The following DYM variants were observed in gnomAD, a reference collection of about 807,000 sequenced individuals.
DYM encodes dymeclin, also known as dyggve-Melchior-Clausen syndrome protein.
Under a neutral mutation model 93.1 loss-of-function variants are expected in DYM, and 78 were observed. The observed-to-expected ratio is 0.84, with a 90% confidence interval of 0.70 to 1.01. DYM has a LOEUF of 1.01. DYM is among the 50% of genes least tolerant of loss of function. The pLI, the probability that DYM is intolerant of heterozygous loss-of-function variation, is 0.00. For synonymous variants in DYM, 321 were observed against 319.7 expected, an observed-to-expected ratio of 1.00 and a Z score of -0.04; for missense variants, 789 against 845.0, an observed-to-expected ratio of 0.93 and a Z score of 0.82.
intron 14 of DYM, among the ~76,000 whole-genome samples, chr18:49,197,456 C>T (rs531767661): frequency 6.6e-6 from 1 of 151,856 alleles, no homozygotes; most frequent in South Asian, 2.1e-4. Flanking sequence ...GTAAAGAAGG[C>T]GGTGAAGTTT....
intron 13 of DYM, among the ~76,000 whole-genome samples, chr18:49,213,172 T>A (rs1002280492): frequency 2.0e-4 from 30 of 152,118 alleles, no homozygotes; most frequent in African/African-American, 7.2e-4. Context: ...CTGTAAAAGA[T>A]GACAAAAACC....
chr18:49,078,752 A>G (rs1016809246), intron 17 of DYM, among the ~76,000 whole-genome samples: 4 of 152,360 alleles, frequency 2.6e-5, no homozygotes, highest in Admixed American at 2.0e-4. Context: ...GGCAAAGAGA[A>G]TGGAAAATAT....
At chr18:49,300,070 A>AATATATATATATATATAAAT (rs948967726) in intron 8 of DYM, among the ~76,000 whole-genome samples, 1 of 141,662 alleles carries the variant, frequency 7.1e-6, no homozygotes, top group African/African-American at 2.7e-5. Flanking sequence ...TATATATATA[A>AATATATATATATATATAAAT]ATATATATAT....
chr18:49,450,669 AACG>A (rs1363070593), intron 1 of DYM, among the ~76,000 whole-genome samples: 1 of 152,216 alleles, frequency 6.6e-6, no homozygotes, highest in Non-Finnish European at 1.5e-5. Flanking sequence ...GAATTGCCAA[AACG>A]ATGTCCAATC....
At chr18:49,141,395 C>T (rs1031937697) in intron 15 of DYM, among the ~76,000 whole-genome samples, 3 of 152,182 alleles carry the variant, frequency 2.0e-5, no homozygotes, top group Admixed American at 6.5e-5. Flanking sequence ...AAACTCTTTA[C>T]CGTAAATGGG....
chr18:49,277,382 G>T (rs955811359), intron 10 of DYM, among the ~76,000 whole-genome samples: 1 of 152,138 alleles, frequency 6.6e-6, no homozygotes. Flanking sequence ...ACACATAAAA[G>T]AGAGAGAAAA....
chr18:49,087,890 T>C (rs2078689262), intron 17 of DYM, among the ~76,000 whole-genome samples: 1 of 151,696 alleles, frequency 6.6e-6, no homozygotes, highest in Non-Finnish European at 1.5e-5. Context: ...CATTTTTTCA[T>C]GTGTCTTTTG....
At chr18:49,067,401 G>A (rs1306072940) in intron 17 of DYM, among the ~76,000 whole-genome samples, 2 of 151,626 alleles carry the variant, frequency 1.3e-5, no homozygotes, top group Non-Finnish European at 2.9e-5. Flanking sequence ...GGAGTAGGGT[G>A]ATGTGAGTGT....
chr18:49,345,243 C>T (rs945761680), intron 6 of DYM, among the ~76,000 whole-genome samples: 2 of 152,012 alleles, frequency 1.3e-5, no homozygotes. Context: ...CAAGGCAAGT[C>T]ATTTCTTTTT....
At chr18:49,355,819 G>C (rs1384514945) in intron 6 of DYM, among the ~76,000 whole-genome samples, 1 of 151,708 alleles carries the variant, frequency 6.6e-6, no homozygotes, top group East Asian at 1.9e-4. Flanking sequence ...TAAATATAAA[G>C]ACTTATTTTT....
intron 6 of DYM, among the ~76,000 whole-genome samples, chr18:49,358,742 C>T (rs543526629): frequency 1.3e-5 from 2 of 152,216 alleles, no homozygotes; most frequent in Admixed American, 1.3e-4. Flanking sequence ...CTGAGCAGAC[C>T]TGCCCAGAGT....
intron 16 of DYM, among the ~76,000 whole-genome samples, chr18:49,102,702 G>C (rs987108192): frequency 6.6e-6 from 1 of 152,140 alleles, no homozygotes; most frequent in Non-Finnish European, 1.5e-5. Flanking sequence ...TGCTGAAAAT[G>C]ATGGTTTCCA....
intron 15 of DYM, among the ~76,000 whole-genome samples, chr18:49,151,413 A>G (rs1424702702): frequency 6.6e-6 from 1 of 152,198 alleles, no homozygotes; most frequent in African/African-American, 2.4e-5. Context: ...ACAATGAATA[A>G]AATTACTGGT....
chr18:49,317,551 T>TTCTCTCTCTCTC lies in DYM; in HGVS notation c.763+14301_763+14312dup. On this transcript the variant is annotated intron_variant, in intron 8 of 17. Coordinates refer to ENST00000675505, the MANE Select transcript of DYM (RefSeq NM_001353214.3). ...TGCCCTAGTCCTTAGCCATCTAGATTTCTCTCTCTCTCTCTCTCTCTCTCT... is the reference window on the plus strand; with the variant it reads ...TGCCCTAGTCCTTAGCCATCTAGATTTCTCTCTCTCTCTCTCTCTCTCTCTCTCTCTCTCTCT... Among the ~76,000 whole-genome samples, 13 of 29,360 alleles carry TTCTCTCTCTCTC rather than the reference T, an allele frequency of 4.4e-4. 3 individuals are homozygous for TTCTCTCTCTCTC. Among genetic ancestry groups the TTCTCTCTCTCTC allele is most frequent in the Admixed American group, 1.1e-3 (2 of 1,864 alleles). The allele number at this position is 29,360 out of a possible 152,430, so 19.3% of individuals were successfully genotyped here. A position where few individuals can be genotyped will look rare whatever the true frequency, so the allele number is the denominator to read the frequency against.
chr18:49,449,734 T>C lies in DYM; in HGVS notation c.-54+10664A>G, dbSNP rs2082368605. Among the ~76,000 whole-genome samples the C allele has an allele frequency of 2.0e-5, 3 of 152,280 alleles. No individual in the cohort carries two copies. In the South Asian group the frequency reaches 6.2e-4, roughly 32 times the overall value. ...AAAGTTTTAATTAATAAAAAAGAAT[T>C]TGTGAGGTTGGTCTTAAGCTGTAAC... On this transcript the variant is annotated intron_variant, in intron 1 of 17. Transcript: ENST00000675505.
At chr18:49,204,492 G>C (rs1163674801) in intron 14 of DYM, among the ~76,000 whole-genome samples, 1 of 152,134 alleles carries the variant, frequency 6.6e-6, no homozygotes, top group African/African-American at 2.4e-5. Flanking sequence ...TAAAAATAAA[G>C]ACAAATAGGT....
chr18:49,261,811 T>A (rs1352654883), intron 11 of DYM, among the ~76,000 whole-genome samples: 1 of 152,180 alleles, frequency 6.6e-6, no homozygotes, highest in African/African-American at 2.4e-5. Context: ...AATATATATA[T>A]CTCACTTTAT....
chr18:49,171,673 C>T (rs2088747013), intron 14 of DYM, among the ~76,000 whole-genome samples: 1 of 152,118 alleles, frequency 6.6e-6, no homozygotes, highest in African/African-American at 2.4e-5. Flanking sequence ...TCTGTAGACA[C>T]TGATTCCCTC....
intron 6 of DYM, among the ~76,000 whole-genome samples, chr18:49,358,486 C>A (rs1334119794): frequency 6.6e-6 from 1 of 152,200 alleles, no homozygotes; most frequent in Non-Finnish European, 1.5e-5. Context: ...TAGATACACA[C>A]TCCCTGAAAA....
Sources: allele counts gnomAD v4.1 joint callset (sites outside exome capture counted in the v4.1 genomes callset), GRCh38; gene constraint gnomAD v4.1.1; transcripts MANE v1.5; gene names NCBI Gene and HGNC (gene_info 2026-07-23, HGNC 2026-07-21).